Variants in GPM6A observed in about 807,000 individuals in gnomAD.
GPM6A encodes the protein neuronal membrane glycoprotein M6-a.
Under a neutral mutation model 32.1 loss-of-function variants are expected in GPM6A, and 7 were observed. The ratio of observed to expected loss-of-function variants is 0.22; its 90% CI spans 0.12 to 0.41. The LOEUF is 0.41. Ranked by LOEUF, GPM6A falls within the 10% of genes least tolerant of loss-of-function variation. The pLI is 1.00. For missense variants in GPM6A, 235 were observed against 347.2 expected (o/e 0.68, Z 2.57); for synonymous variants, 130 against 123.4 (o/e 1.05, Z -0.35).
chr4:175,888,933 T>C (rs545033363), intron 1 of GPM6A, among the ~76,000 whole-genome samples: 32 of 152,280 alleles, frequency 2.1e-4, no homozygotes, highest in South Asian at 1.9e-3. Flanking sequence ...ATTATGATAC[T>C]GCCATAGTGC....
At chr4:175,641,212 C>T (rs1741124715) in intron 4 of GPM6A, 1 of 186,302 alleles carries the variant, frequency 5.4e-6, no homozygotes, top group Non-Finnish European at 1.1e-5. Context: ...TCAGCTGGTG[C>T]AGTGCTTCTG....
At chr4:175,762,871 C>A (rs1179729876) in intron 1 of GPM6A, among the ~76,000 whole-genome samples, 1 of 151,974 alleles carries the variant, frequency 6.6e-6, no homozygotes, top group African/African-American at 2.4e-5. Context: ...TCTATAGAGA[C>A]AGAAACTAGA....
At chr4:175,927,567 T>C (rs1738884317) in intron 1 of GPM6A, among the ~76,000 whole-genome samples, 1 of 152,236 alleles carries the variant, frequency 6.6e-6, no homozygotes, top group Non-Finnish European at 1.5e-5. Context: ...TTAGCTCTAC[T>C]TAATAGAGTA....
intron 1 of GPM6A, among the ~76,000 whole-genome samples, chr4:175,902,966 T>A (rs1738016714): frequency 6.6e-6 from 1 of 152,114 alleles, no homozygotes; most frequent in African/African-American, 2.4e-5. Context: ...AATAAAGATA[T>A]CTAAATATGT....
intron 1 of GPM6A, among the ~76,000 whole-genome samples, chr4:175,745,836 G>A (rs1207332573): frequency 6.6e-6 from 1 of 152,154 alleles, no homozygotes; most frequent in African/African-American, 2.4e-5. Flanking sequence ...TGGGGGTCAA[G>A]TTGGGAAGAC....
chr4:175,640,685 A>C, intron 5 of GPM6A, 68 bp downstream of exon 5: 1 of 1,044,098 alleles, frequency 9.6e-7, no homozygotes, highest in Non-Finnish European at 1.5e-6. Context: ...TAGTTTTAAT[A>C]CATTATCCAA....
chr4:175,639,734 T>G (rs1443619063), intron 6 of GPM6A, among the ~76,000 whole-genome samples: 1 of 152,110 alleles, frequency 6.6e-6, no homozygotes, highest in Non-Finnish European at 1.5e-5. Flanking sequence ...TTTAATAACC[T>G]AATTTGTTTT....
chr4:175,885,985 TA>T (rs1361046848), intron 1 of GPM6A, among the ~76,000 whole-genome samples: 1 of 151,240 alleles, frequency 6.6e-6, no homozygotes, highest in Non-Finnish European at 1.5e-5. Context: ...CATGAAAAGA[TA>T]AAACGTAAAA....
chr4:175,646,666 G>C (rs1741480116), intron 4 of GPM6A, among the ~76,000 whole-genome samples: 1 of 152,096 alleles, frequency 6.6e-6, no homozygotes, highest in Non-Finnish European at 1.5e-5. Flanking sequence ...TGATATTTGT[G>C]GGTTTTTGAA....
At chr4:175,824,555 G>A (rs1421240761) in intron 1 of GPM6A, among the ~76,000 whole-genome samples, 1 of 151,980 alleles carries the variant, frequency 6.6e-6, no homozygotes, top group Non-Finnish European at 1.5e-5. Flanking sequence ...TAATATTTCA[G>A]TATGTCTGAT....
At chr4:175,872,103 T>C (rs1195059841) in intron 1 of GPM6A, among the ~76,000 whole-genome samples, 1 of 152,220 alleles carries the variant, frequency 6.6e-6, no homozygotes. Context: ...CTTCTCCTCC[T>C]GGCTAATTAG....
intron 1 of GPM6A, among the ~76,000 whole-genome samples, chr4:175,915,288 A>AT (rs11316675): frequency 0.012 from 1,666 of 141,026 alleles, 30 homozygotes; most frequent in African/African-American, 0.038. Context: ...ATTAAAAAGG[A>AT]TTTTTTTTTT....
intron 1 of GPM6A, among the ~76,000 whole-genome samples, chr4:175,859,622 C>G (rs900487764): frequency 1.3e-5 from 2 of 152,012 alleles, no homozygotes; most frequent in Non-Finnish European, 2.9e-5. Context: ...CCAAATGAAC[C>G]CAGAGAAATA....
Position 175,809,204 on chromosome 4 carries a change from C to T in GPM6A, c.37+2987G>A, listed in dbSNP as rs573990391. 4.1e-4 allele frequency among the ~76,000 whole-genome samples: 62 copies of T among 152,262 alleles called. 1 individual carries two copies. In the South Asian group the frequency reaches 6.4e-3, roughly 16 times the overall value. The stretch of plus-strand genomic sequence containing the variant: ...CAGTTGCATGGCTACAAGTCATAAA[C>T]GCCTACCTGTTAAATCTTCATCAAA... On this transcript the variant is annotated intron_variant, in intron 1 of 6. Coordinates refer to ENST00000393658, the MANE Select transcript of GPM6A (RefSeq NM_201591.3).
At chr4:175,804,392 A>G (rs551770265) in intron 1 of GPM6A, among the ~76,000 whole-genome samples, 3 of 152,298 alleles carry the variant, frequency 2.0e-5, no homozygotes, top group African/African-American at 7.2e-5. Flanking sequence ...GAAATGGAAG[A>G]CTACCTCATT....
At chr4:175,759,082 C>T (rs1453419321) in intron 1 of GPM6A, among the ~76,000 whole-genome samples, 3 of 152,152 alleles carry the variant, frequency 2.0e-5, no homozygotes, top group African/African-American at 7.2e-5. Flanking sequence ...CATTCAAAAA[C>T]TATTAAGTGT....
intron 1 of GPM6A, among the ~76,000 whole-genome samples, chr4:175,873,135 A>G (rs1736963355): frequency 6.6e-6 from 1 of 152,126 alleles, no homozygotes; most frequent in Admixed American, 6.6e-5. Context: ...AGATGTAATG[A>G]AGGACAATGT....
chr4:175,915,232 G>T (rs972673558), intron 1 of GPM6A, among the ~76,000 whole-genome samples: 1 of 151,016 alleles, frequency 6.6e-6, no homozygotes. Flanking sequence ...CAACTATGGA[G>T]AAATATTTGT....
chr4:175,654,532 A>C (rs2110926923), intron 3 of GPM6A, among the ~76,000 whole-genome samples: 1 of 152,152 alleles, frequency 6.6e-6, no homozygotes, highest in East Asian at 1.9e-4. Context: ...TTTTGTACAT[A>C]CTATGTAATT....
Sources: allele counts gnomAD v4.1 joint callset (sites outside exome capture counted in the v4.1 genomes callset), GRCh38; gene constraint gnomAD v4.1.1; transcripts MANE v1.5; gene names NCBI Gene and HGNC (gene_info 2026-07-23, HGNC 2026-07-21).